The following LRRC37A2 variants were observed in gnomAD, a reference collection of about 807,000 sequenced individuals.
The protein encoded by LRRC37A2 is leucine rich repeat containing 37 member A2.
In LRRC37A2, 9 loss-of-function variants were observed where a neutral mutation model predicts 68.8. The ratio of observed to expected loss-of-function variants is 0.13; its 90% CI spans 0.08 to 0.23. The LOEUF is 0.23. LRRC37A2 is among the 10% of genes least tolerant of loss of function. The probability of loss-of-function intolerance (pLI) is 1.00; values close to 1 mark genes in which losing one functional copy is unlikely to be tolerated. For missense variants in LRRC37A2, 168 were observed against 950.4 expected (o/e 0.18, Z 10.82); for synonymous variants, 63 against 367.6 (o/e 0.17, Z 9.48).
the LRRC37A2 span, among the ~76,000 whole-genome samples, chr17:46,772,942 C>T: frequency 6.6e-6 from 1 of 152,278 alleles, no homozygotes; most frequent in South Asian, 2.1e-4. Context: ...TCGTTAAATT[C>T]CTGGACACTG....
the LRRC37A2 span, among the ~76,000 whole-genome samples, chr17:46,928,859 C>T: frequency 1.8e-4 from 27 of 152,166 alleles, no homozygotes; most frequent in Non-Finnish European, 8.8e-5. Flanking sequence ...TTCTTCACAG[C>T]GATGCTCAGA....
chr17:46,823,195 T>G, the LRRC37A2 span, among the ~76,000 whole-genome samples: 1 of 127,340 alleles, frequency 7.9e-6, no homozygotes, highest in Non-Finnish European at 1.5e-5. Context: ...ATATTATATA[T>G]ATTTATATAT....
At chr17:46,739,390 AAAG>A in the LRRC37A2 span, among the ~76,000 whole-genome samples, 1 of 149,792 alleles carries the variant, frequency 6.7e-6, no homozygotes, top group Admixed American at 6.7e-5. Context: ...AAAAAAAAAA[AAAG>A]CCAAGCATGG....
the LRRC37A2 span, among the ~76,000 whole-genome samples, chr17:46,759,599 G>C: frequency 2.0e-5 from 3 of 152,226 alleles, no homozygotes; most frequent in Non-Finnish European, 2.9e-5. Context: ...ATGCGTAGCT[G>C]CACTGACTTC....
chr17:46,985,310 C>G, the LRRC37A2 span, among the ~76,000 whole-genome samples: 105,642 of 151,140 alleles, frequency 0.7, 37,502 homozygotes, highest in Middle Eastern at 0.78. Flanking sequence ...CATGAGGTCA[C>G]TAGTTCGAGA....
chr17:46,876,127 ACC>A, the LRRC37A2 span: 1 of 965,476 alleles, frequency 1.0e-6, no homozygotes. Context: ...TGGGGCTGAG[ACC>A]CTGGGTCTCT....
the LRRC37A2 span, among the ~76,000 whole-genome samples, chr17:46,799,464 T>C: frequency 1.6e-4 from 17 of 105,130 alleles, no homozygotes; most frequent in Non-Finnish European, 2.4e-4. Context: ...TTTTTTTTTT[T>C]CGAGATGGAG....
the LRRC37A2 span, among the ~76,000 whole-genome samples, chr17:46,887,095 G>T: frequency 6.6e-6 from 1 of 152,182 alleles, no homozygotes; most frequent in Non-Finnish European, 1.5e-5. Context: ...GGGATTACAG[G>T]CATGAGCCAC....
the LRRC37A2 span, among the ~76,000 whole-genome samples, chr17:46,976,814 C>G: frequency 0.17 from 25,504 of 152,192 alleles, 2,426 homozygotes; most frequent in East Asian, 0.24. Flanking sequence ...AACTGCACCA[C>G]CTACATGACG....
chr17:47,029,998 G>C, the LRRC37A2 span, among the ~76,000 whole-genome samples: 1 of 150,978 alleles, frequency 6.6e-6, no homozygotes, highest in Non-Finnish European at 1.5e-5. Flanking sequence ...AGGAGGCGGA[G>C]GTTGCAGTGA....
the LRRC37A2 span, among the ~76,000 whole-genome samples, chr17:47,002,963 T>G: frequency 1.3e-5 from 2 of 151,964 alleles, no homozygotes; most frequent in East Asian, 3.9e-4. Flanking sequence ...GTATAAAAGC[T>G]CAAGGAAGCT....
the LRRC37A2 span, among the ~76,000 whole-genome samples, chr17:46,810,471 GC>G: frequency 6.6e-6 from 1 of 152,170 alleles, no homozygotes; most frequent in Non-Finnish European, 1.5e-5. Flanking sequence ...CAGGTCTGAG[GC>G]CAACTGGTCA....
At chr17:46,501,825 T>A in the LRRC37A2 span, among the ~76,000 whole-genome samples, 1 of 151,294 alleles carries the variant, frequency 6.6e-6, no homozygotes, top group African/African-American at 2.5e-5. Context: ...TATATTCCAT[T>A]TCTCATTGAA....
chr17:46,905,870 C>A, the LRRC37A2 span, among the ~76,000 whole-genome samples: 1 of 151,868 alleles, frequency 6.6e-6, no homozygotes, highest in Non-Finnish European at 1.5e-5. Context: ...GTGCCCAGCC[C>A]TCCAGACCAG....
At chr17:46,543,554 G>T (rs1446113367) in intron 8 of LRRC37A2, among the ~76,000 whole-genome samples, 1 of 150,892 alleles carries the variant, frequency 6.6e-6, no homozygotes, top group African/African-American at 2.5e-5. Flanking sequence ...TAGTCCTCTG[G>T]TTATGTCAGA....
At chr17:47,039,095 AT>A in the LRRC37A2 span, among the ~76,000 whole-genome samples, 1 of 151,558 alleles carries the variant, frequency 6.6e-6, no homozygotes, top group Middle Eastern at 3.4e-3. Context: ...GAATATCTTA[AT>A]TTCTCTTCAA....
At chr17:46,763,214 C>T in the LRRC37A2 span, 1 of 152,320 alleles carries the variant, frequency 6.6e-6, no homozygotes, top group African/African-American at 2.4e-5. Context: ...TCCCCTGCTG[C>T]ATCTCTTCTT....
the LRRC37A2 span, chr17:46,769,969 GC>G: frequency 6.2e-7 from 1 of 1,611,946 alleles, no homozygotes; most frequent in Non-Finnish European, 8.5e-7. Flanking sequence ...TGGTGGAGGT[GC>G]CCTCGGCGCA....
chr17:46,568,514 A>AG, the LRRC37A2 span, among the ~76,000 whole-genome samples: 2 of 109,052 alleles, frequency 1.8e-5, no homozygotes, highest in African/African-American at 7.8e-5. Context: ...AAAAAAAAAG[A>AG]GGGGGGGAGG....
Sources: gnomAD v4.1 joint callset for allele counts (sites outside exome capture counted in the v4.1 genomes callset) on GRCh38, gnomAD v4.1.1 for gene constraint, MANE v1.5 for transcripts, NCBI Gene and HGNC (gene_info 2026-07-23, HGNC 2026-07-21) for gene names.